The following GPR158 variants were observed in gnomAD, a reference collection of about 807,000 sequenced individuals.
GPR158 encodes metabotropic glycine receptor.
In GPR158, 30 loss-of-function variants were observed where a neutral mutation model predicts 78.2. That is an observed-to-expected ratio of 0.38 (90% CI 0.29 to 0.52). GPR158 has a LOEUF of 0.52. GPR158 is among the 20% of genes least tolerant of loss of function. GPR158 has a pLI of 0.83. For synonymous variants in GPR158, 581 were observed against 591.1 expected, an observed-to-expected ratio of 0.98 and a Z score of 0.25; for missense variants, 1,463 against 1,523.5, an observed-to-expected ratio of 0.96 and a Z score of 0.66.
chr10:25,204,921 A>T lies in GPR158; in HGVS notation c.903-16131A>T, dbSNP rs1230648274. On this transcript the variant is annotated intron_variant, in intron 1 of 10. Coordinates refer to ENST00000376351, the MANE Select transcript of GPR158 (RefSeq NM_020752.3). ...AATCTCATCTTGAATTGTAGCTCCC[A>T]TAATTCCCACATGTTGTGGGAGGGA... Among the ~76,000 whole-genome samples the T allele has an allele frequency of 4.7e-5, 7 of 148,424 alleles. 1 individual carries two copies. In the South Asian group the frequency reaches 8.5e-4, roughly 18 times the overall value.
chr10:25,564,738 C>G (rs950777472), intron 6 of GPR158, among the ~76,000 whole-genome samples: 1 of 152,150 alleles, frequency 6.6e-6, no homozygotes, highest in Non-Finnish European at 1.5e-5. Context: ...TGCTGCATAG[C>G]TTTTTTACTC....
intron 2 of GPR158, among the ~76,000 whole-genome samples, chr10:25,366,885 T>C (rs929001695): frequency 6.6e-6 from 1 of 151,756 alleles, no homozygotes; most frequent in African/African-American, 2.4e-5. Context: ...TTTAAGACTT[T>C]TGCTCCATTT....
chr10:25,546,476 C>T (rs1836663544), intron 5 of GPR158, among the ~76,000 whole-genome samples: 2 of 151,924 alleles, frequency 1.3e-5, no homozygotes, highest in East Asian at 3.9e-4. Context: ...CACTATATTC[C>T]CTTTTGCCTC....
chr10:25,189,486 G>T (rs1026513917), intron 1 of GPR158, among the ~76,000 whole-genome samples: 1 of 152,146 alleles, frequency 6.6e-6, no homozygotes, highest in Non-Finnish European at 1.5e-5. Flanking sequence ...GTCCTTTGTA[G>T]GGACATGGAT....
chr10:25,324,816 T>A (rs1265448372), intron 2 of GPR158, among the ~76,000 whole-genome samples: 3 of 144,814 alleles, frequency 2.1e-5, no homozygotes, highest in Non-Finnish European at 4.5e-5. Context: ...GGTAATTGTA[T>A]TTTCTTTTTT....
chr10:25,293,489 G>T (rs536842378), intron 2 of GPR158, among the ~76,000 whole-genome samples: 1 of 152,276 alleles, frequency 6.6e-6, no homozygotes, highest in African/African-American at 2.4e-5. Context: ...CTCTCAAAAA[G>T]GGTTAGCCAT....
At chr10:25,221,582 G>T (rs1853300376) in intron 2 of GPR158, among the ~76,000 whole-genome samples, 1 of 152,124 alleles carries the variant, frequency 6.6e-6, no homozygotes, top group Non-Finnish European at 1.5e-5. Context: ...GCATGGTGGG[G>T]CAATTTTGAA....
chr10:25,188,579 T>C (rs1014455902), intron 1 of GPR158, among the ~76,000 whole-genome samples: 5 of 152,172 alleles, frequency 3.3e-5, no homozygotes, highest in African/African-American at 4.8e-5. Context: ...TGGCTAGCCA[T>C]ACATAGAAAG....
At chr10:25,494,527 T>G (rs2130651050) in intron 5 of GPR158, among the ~76,000 whole-genome samples, 1 of 152,334 alleles carries the variant, frequency 6.6e-6, no homozygotes, top group Middle Eastern at 3.4e-3. Flanking sequence ...GATAATATTA[T>G]TCCTTTATCA....
chr10:25,456,150 T>G (rs529998792), intron 4 of GPR158, among the ~76,000 whole-genome samples: 29 of 152,310 alleles, frequency 1.9e-4, no homozygotes, highest in Admixed American at 1.3e-3. Flanking sequence ...TCTGAACTGC[T>G]TCCTCTTCTT....
At chr10:25,229,246 G>A (rs1210477947) in intron 2 of GPR158, among the ~76,000 whole-genome samples, 4 of 152,126 alleles carry the variant, frequency 2.6e-5, no homozygotes, top group African/African-American at 9.7e-5. Context: ...CTGTGAGGAG[G>A]TGGCAGATTC....
chr10:25,581,605 A>G (rs925718663), intron 7 of GPR158, among the ~76,000 whole-genome samples: 46 of 152,224 alleles, frequency 3.0e-4, no homozygotes, highest in African/African-American at 1.1e-3. Flanking sequence ...CCACAAAGGC[A>G]GAATGTAAAT....
intron 6 of GPR158, among the ~76,000 whole-genome samples, chr10:25,563,499 T>C (rs1228326664): frequency 6.6e-6 from 1 of 152,222 alleles, no homozygotes; most frequent in Non-Finnish European, 1.5e-5. Context: ...ACATCCATTT[T>C]GTTTCTCAGT....
intron 1 of GPR158, among the ~76,000 whole-genome samples, chr10:25,208,150 A>G (rs1365879015): frequency 2.6e-5 from 4 of 152,180 alleles, no homozygotes; most frequent in Non-Finnish European, 4.4e-5. Context: ...CATTAGTCAC[A>G]TGGCTTATTA....
Position 25,240,083 on chromosome 10 carries a change from G to A in GPR158, c.1008+18926G>A, listed in dbSNP as rs537596137. Among the ~76,000 whole-genome samples, 6 of 152,230 alleles carry A rather than the reference G, an allele frequency of 3.9e-5. No individual in the cohort carries two copies. The South Asian group carries it at 8.3e-4, about 21-fold the overall frequency. On this transcript the variant is annotated intron_variant, in intron 2 of 10. Coordinates refer to ENST00000376351, the MANE Select transcript of GPR158 (RefSeq NM_020752.3). ...ATTACTCTACTACATATTTCCAAAGGCATTGATTAATCTAGTCATTTCAGT... is the reference window on the plus strand; with the variant it reads ...ATTACTCTACTACATATTTCCAAAGACATTGATTAATCTAGTCATTTCAGT...
chr10:25,532,028 A>G (rs1177358043), intron 5 of GPR158, among the ~76,000 whole-genome samples: 1 of 152,214 alleles, frequency 6.6e-6, no homozygotes, highest in Non-Finnish European at 1.5e-5. Flanking sequence ...AGGGAGACAT[A>G]GGACTATCAG....
At chr10:25,317,674 C>T (rs1475920893) in intron 2 of GPR158, among the ~76,000 whole-genome samples, 3 of 149,246 alleles carry the variant, frequency 2.0e-5, no homozygotes, top group Non-Finnish European at 4.4e-5. Context: ...TTTAAATCAG[C>T]TGAATTGTTT....
chr10:25,235,294 A>G (rs2130699520), intron 2 of GPR158, among the ~76,000 whole-genome samples: 1 of 152,202 alleles, frequency 6.6e-6, no homozygotes, highest in South Asian at 2.1e-4. Context: ...ATATCTCATG[A>G]ATCTATTTTC....
chr10:25,371,364 G>A (rs748702750), intron 2 of GPR158, among the ~76,000 whole-genome samples: 1 of 151,596 alleles, frequency 6.6e-6, no homozygotes, highest in South Asian at 2.1e-4. Flanking sequence ...GGCAGGCCTG[G>A]TGGTGACAAA....
Sources: allele counts gnomAD v4.1 joint callset (sites outside exome capture counted in the v4.1 genomes callset), GRCh38; gene constraint gnomAD v4.1.1; transcripts MANE v1.5; gene names NCBI Gene and HGNC (gene_info 2026-07-23, HGNC 2026-07-21).